Variants in BICRA observed in about 807,000 individuals in gnomAD.
The protein encoded by BICRA is BRD4 interacting chromatin remodeling complex associated protein.
A neutral mutation model predicts 96.9 loss-of-function variants in BICRA; 31 were observed. The observed-to-expected ratio is 0.32, with a 90% CI of 0.24 to 0.43. The LOEUF is 0.43. Among genes scored for constraint, BICRA ranks in the 20% least tolerant of loss-of-function variants. The pLI, the probability that BICRA is intolerant of heterozygous loss-of-function variation, is 1.00. For synonymous variants in BICRA, 1,350 were observed against 1,071.8 expected (o/e 1.26, Z -5.07); for missense variants, 2,283 against 2,190.3 (o/e 1.04, Z -0.84).
At chr19:47,643,293 T>C (rs950813414) in intron 1 of BICRA, among the ~76,000 whole-genome samples, 1 of 152,216 alleles carries the variant, frequency 6.6e-6, no homozygotes, top group Non-Finnish European at 1.5e-5. Flanking sequence ...AACAGCCCTT[T>C]TTCTGGATGC....
chr19:47,687,638 A>G (rs1973178739), intron 7 of BICRA, among the ~76,000 whole-genome samples: 1 of 152,072 alleles, frequency 6.6e-6, no homozygotes, highest in African/African-American at 2.4e-5. Flanking sequence ...TCTACTAAAA[A>G]TACAAAAATG....
Position 47,701,846 on chromosome 19 carries a change from G to T in BICRA, c.4114G>T (p.Glu1372Ter), listed in dbSNP as rs1342321443. ...GGACCACCCGCCGCCTGCCGCCCCCGAGCGCAAGCCCCTGGGCACCGCCCC... is the reference window on the plus strand; with the variant it reads ...GGACCACCCGCCGCCTGCCGCCCCCTAGCGCAAGCCCCTGGGCACCGCCCC... ...TVDHPPPAAP[E>*]RKPLGTAPHC... The change falls in exon 15 of 15, where the codon GAG becomes TAG. Residue 1372 changes from glutamate (E) to a stop codon, truncating the protein, a stop_gained. Transcript: ENST00000594866. LOFTEE classifies it high-confidence loss of function. This position sits in a 1 kb window ranked among gnomAD's most constrained non-coding sequence, Gnocchi z 5.4. 1.3e-6 allele frequency: 2 copies of T among 1,516,816 alleles called. No homozygotes were observed. The highest frequency in any genetic ancestry group is 1.2e-5 in the South Asian group (1 of 82,868). 94.0% of individuals were successfully genotyped at this position (1,516,816 alleles called of 1,614,324 possible).
At chr19:47,667,310 T>C (rs543160159) in intron 1 of BICRA, among the ~76,000 whole-genome samples, 7 of 152,348 alleles carry the variant, frequency 4.6e-5, no homozygotes, top group South Asian at 4.1e-4. Context: ...CCACAGCGCC[T>C]GGCCCTATTC....
chr19:47,638,917 A>C (rs1972341859), intron 1 of BICRA, among the ~76,000 whole-genome samples: 1 of 152,142 alleles, frequency 6.6e-6, no homozygotes, highest in Non-Finnish European at 1.5e-5. Flanking sequence ...GGCCTCCCAA[A>C]GTTCTGGTAT....
intron 1 of BICRA, among the ~76,000 whole-genome samples, chr19:47,636,005 G>A (rs553622637): frequency 3.7e-4 from 57 of 152,066 alleles, no homozygotes; most frequent in African/African-American, 1.1e-3. Context: ...TTTTTCATGC[G>A]CAAAATTATT....
intron 1 of BICRA, among the ~76,000 whole-genome samples, chr19:47,620,058 C>T (rs758836260): frequency 6.6e-6 from 1 of 152,112 alleles, no homozygotes; most frequent in Non-Finnish European, 1.5e-5. Flanking sequence ...CCGTGGAGTC[C>T]GTTGGGTTGA....
rs10567798 is a variant in BICRA at position 47,659,685 on chromosome 19, TACACACACACACACACAC to T, written c.-107-10727_-107-10710del. Among the ~76,000 whole-genome samples, 696 of 132,506 alleles carry T rather than the reference TACACACACACACACACAC, an allele frequency of 5.3e-3. 5 individuals carry two copies. Among genetic ancestry groups the T allele is most frequent in the Middle Eastern group, 0.015 (4 of 272 alleles). The allele number at this position is 132,506 out of a possible 152,430, so 86.9% of individuals were successfully genotyped here. A position where few individuals can be genotyped will look rare whatever the true frequency, so the allele number is the denominator to read the frequency against. On this transcript the variant is annotated intron_variant, in intron 1 of 14. Coordinates refer to ENST00000594866, the MANE Select transcript of BICRA (RefSeq NM_001394372.1). ...CTGTGCAGCTGTACATGGTGGTGCATACACACACACACACACACACACACACACACACACACACACACA... is the reference window on the plus strand; with the variant it reads ...CTGTGCAGCTGTACATGGTGGTGCATACACACACACACACACACACACACA...
At chr19:47,648,229 C>G (rs910748056) in intron 1 of BICRA, among the ~76,000 whole-genome samples, 1 of 116,668 alleles carries the variant, frequency 8.6e-6, no homozygotes, top group African/African-American at 3.5e-5. Context: ...GCTGCCTGAG[C>G]TGTAACCCAC....
In BICRA at chr19:47,698,629, C is replaced by T. The variant is rs780005588; in HGVS notation, c.3249-5C>T. 7 of 1,460,518 alleles carry T rather than the reference C, an allele frequency of 4.8e-6. No homozygotes were observed. The highest frequency in any genetic ancestry group is 2.3e-5 in the South Asian group (2 of 87,490). 90.5% of individuals were successfully genotyped at this position (1,460,518 alleles called of 1,614,324 possible). ...GTGTGTGGTCTCTCCCCTTTCCACCCGCAGTTTCCTGGAGCATTTGCACAA... is the reference window on the plus strand; with the variant it reads ...GTGTGTGGTCTCTCCCCTTTCCACCTGCAGTTTCCTGGAGCATTTGCACAA... On this transcript the variant is annotated splice_region_variant and splice_polypyrimidine_tract_variant and intron_variant, in intron 11 of 14. Transcript: ENST00000594866. This position sits in a 1 kb window ranked among gnomAD's most constrained non-coding sequence, Gnocchi z 4.8.
chr19:47,692,705 T>C (rs1973259723), intron 7 of BICRA, among the ~76,000 whole-genome samples: 1 of 152,224 alleles, frequency 6.6e-6, no homozygotes, highest in South Asian at 2.1e-4. Flanking sequence ...GACTGATTGA[T>C]TGATTGGTTT....
chr19:47,642,106 T>C (rs951159669), intron 1 of BICRA, among the ~76,000 whole-genome samples: 12 of 152,266 alleles, frequency 7.9e-5, no homozygotes, highest in African/African-American at 2.9e-4. Context: ...TCACACAGCA[T>C]GTACTCTTTT....
Position 47,701,680 on chromosome 19 carries a change from C to T in BICRA, c.3948C>T (p.Ala1316=), listed in dbSNP as rs578176211. 4 of 1,603,588 alleles carry T rather than the reference C, an allele frequency of 2.5e-6. No individual in the cohort carries two copies. The highest frequency in any genetic ancestry group is 2.3e-5 in the East Asian group (1 of 44,354). Residue 1316 remains alanine (A), a synonymous_variant, in exon 15 of 15, where the codon GCC becomes GCT. Coordinates refer to ENST00000594866, the MANE Select transcript of BICRA (RefSeq NM_001394372.1). This position sits in a 1 kb window ranked among gnomAD's most constrained non-coding sequence, Gnocchi z 5.4. ...IGLKLKIKQE[A]GLSKVVHNTA... ...TCAAGCTCAAGATCAAGCAGGAAGCCGGGCTCAGCAAGGTCGTGCACAACA... is the reference window on the plus strand; with the variant it reads ...TCAAGCTCAAGATCAAGCAGGAAGCTGGGCTCAGCAAGGTCGTGCACAACA...
In BICRA at chr19:47,679,663, G is replaced by A; in HGVS notation, c.493G>A (p.Asp165Asn). ...GPQALFPGST[D>N]LLGLQGPPTV... is the part of the protein sequence containing the mutation. ...CCAAGCCCTCTTCCCAGGCAGCACC[G>A]ACCTGCTGGGGCTGCAGGGCCCGCC... is the stretch of plus-strand genomic sequence containing the variant. The change falls in exon 6 of 15, where the codon GAC becomes AAC. Residue 165 changes from aspartate (D) to asparagine (N), a missense_variant. Coordinates refer to ENST00000594866, the MANE Select transcript of BICRA (RefSeq NM_001394372.1). The A allele has an allele frequency of 1.3e-6, 2 of 1,514,556 alleles. No homozygotes were observed. The highest frequency in any genetic ancestry group is 2.5e-5 in the East Asian group (1 of 40,248). The allele number at this position is 1,514,556 out of a possible 1,614,324, so 93.8% of individuals were successfully genotyped here. A position where few individuals can be genotyped will look rare whatever the true frequency, so the allele number is the denominator to read the frequency against.
intron 7 of BICRA, 83 bp from the exon 8 acceptor site, chr19:47,694,031 TG>T (rs1973282515): frequency 1.4e-6 from 2 of 1,425,516 alleles, no homozygotes; most frequent in Non-Finnish European, 1.8e-6. Context: ...CGGGGATGGC[TG>T]GGGACCCCAG....
chr19:47,680,005 G>C lies in BICRA; in HGVS notation c.835G>C (p.Gly279Arg). The C allele has an allele frequency of 1.3e-6, 2 of 1,493,646 alleles. No homozygotes were observed. Among genetic ancestry groups the C allele is most frequent in the Non-Finnish European group, 1.8e-6 (2 of 1,132,102 alleles). The allele number at this position is 1,493,646 out of a possible 1,614,324, so 92.5% of individuals were successfully genotyped here. A position where few individuals can be genotyped will look rare whatever the true frequency, so the allele number is the denominator to read the frequency against. ...PSEPVTLASAGVSPQGAGLVI... is the reference protein window; with the variant it reads ...PSEPVTLASARVSPQGAGLVI... ...GGAGCCCGTGACGCTGGCGTCGGCCGGTGTCTCGCCACAGGGGGCTGGCCT... is the reference window on the plus strand; with the variant it reads ...GGAGCCCGTGACGCTGGCGTCGGCCCGTGTCTCGCCACAGGGGGCTGGCCT... Residue 279 changes from glycine (G) to arginine (R), a missense_variant, in exon 6 of 15, where the codon GGT becomes CGT. Coordinates refer to ENST00000594866, the MANE Select transcript of BICRA (RefSeq NM_001394372.1).
At chr19:47,695,136 G>A (rs1223111544) in intron 9 of BICRA, 56 bp downstream of exon 9, 12 of 1,167,792 alleles carry the variant, frequency 1.0e-5, no homozygotes, top group South Asian at 1.5e-5. Flanking sequence ...ATGGGTGGGC[G>A]GGGCTGAGCA....
At chr19:47,648,866 T>G (rs1305072443) in intron 1 of BICRA, among the ~76,000 whole-genome samples, 1 of 151,206 alleles carries the variant, frequency 6.6e-6, no homozygotes, top group African/African-American at 2.4e-5. Flanking sequence ...TTTTTTTTTT[T>G]TTTGAGGCGG....
At chr19:47,639,836 G>T (rs572552874) in intron 1 of BICRA, among the ~76,000 whole-genome samples, 1 of 151,522 alleles carries the variant, frequency 6.6e-6, no homozygotes, top group South Asian at 2.1e-4. Context: ...TAGAGATGGG[G>T]TCTAGCTATG....
intron 1 of BICRA, among the ~76,000 whole-genome samples, chr19:47,639,310 C>T (rs954079041): frequency 6.8e-6 from 1 of 146,316 alleles, no homozygotes. Flanking sequence ...GCCTTGCACC[C>T]CACCCTGCAT....
Sources: gnomAD v4.1 joint callset for allele counts (sites outside exome capture counted in the v4.1 genomes callset) on GRCh38, gnomAD v4.1.1 for gene constraint, Gnocchi (gnomAD v3.1) non-coding constraint, MANE v1.5 for transcripts, NCBI Gene and HGNC (gene_info 2026-07-23, HGNC 2026-07-21) for gene names.